ZNF507: variants seen among roughly 807,000 people sequenced by gnomAD.
ZNF507 encodes the protein zinc finger protein 507.
ZNF507 carries 29 observed loss-of-function variants against 80.0 expected under a neutral mutation model. The ratio of observed to expected loss-of-function variants is 0.36; its 90% CI spans 0.27 to 0.49. ZNF507 has a LOEUF of 0.49. ZNF507 is among the 20% of genes least tolerant of loss of function. ZNF507 has a pLI of 0.98. For synonymous variants in ZNF507, 462 were observed against 422.5 expected (o/e 1.09, Z -1.15); for missense variants, 1,081 against 1,152.2 (o/e 0.94, Z 0.90).
intron 4 of ZNF507, chr19:32,358,255 T>G (rs1967277196): frequency 6.6e-6 from 1 of 152,264 alleles, no homozygotes; most frequent in South Asian, 2.1e-4. Context: ...AATCTGGTTG[T>G]CAGGCCAAAG....
chr19:32,350,200 CTT>C (rs11354466), intron 2 of ZNF507, among the ~76,000 whole-genome samples: 4,586 of 141,378 alleles, frequency 0.032, 82 homozygotes, highest in Middle Eastern at 0.074. Flanking sequence ...TTTATCTAAC[CTT>C]TTTTTTTTTT....
chr19:32,353,492 T>C lies in ZNF507; in HGVS notation c.662T>C (p.Leu221Pro), dbSNP rs749520100. 1 of 1,614,202 alleles carries C rather than the reference T, an allele frequency of 6.2e-7. No homozygotes were observed. The highest frequency in any genetic ancestry group is 1.1e-5 in the South Asian group (1 of 91,084). ...IPDIPVSVDN[L>P]QTHTVQTASV... ...GATATCCCAGTAAGTGTGGACAATC[T>C]ACAGACTCATACTGTCCAAACTGCA... The change falls in exon 3 of 7, where the codon CTA (leucine) becomes CCA (proline). Residue 221 changes from leucine to proline, a missense_variant. Physicochemically the swap from Leu to Pro is moderately conservative, Grantham distance 98. This residue lies in a region of ZNF507 where 275 missense variants were observed against 303.9 expected (regional missense o/e 0.90). Coordinates refer to ENST00000355898, the MANE Select transcript of ZNF507 (RefSeq NM_001136156.2).
chr19:32,351,033 G>A (rs1329171724), intron 2 of ZNF507, among the ~76,000 whole-genome samples: 1 of 152,182 alleles, frequency 6.6e-6, no homozygotes, highest in Non-Finnish European at 1.5e-5. Context: ...TGAGCGTAGA[G>A]ATCTAAAAAG....
chr19:32,350,534 C>G lies in ZNF507; in HGVS notation c.-2-2295C>G, dbSNP rs76444917. ...GTTAAGATGAACTCCTCCTTCTCTTCATTTCACTTTCTTTTTAAGGTACAC... is the reference window on the plus strand; with the variant it reads ...GTTAAGATGAACTCCTCCTTCTCTTGATTTCACTTTCTTTTTAAGGTACAC... On this transcript the variant is annotated intron_variant, in intron 2 of 6. Coordinates refer to ENST00000355898, the MANE Select transcript of ZNF507 (RefSeq NM_001136156.2). 1.8e-3 allele frequency among the ~76,000 whole-genome samples: 281 copies of G among 152,312 alleles called. 2 individuals carry two copies. Among genetic ancestry groups the G allele is most frequent in the African/African-American group, 6.1e-3 (253 of 41,582 alleles).
intron 5 of ZNF507, among the ~76,000 whole-genome samples, chr19:32,371,853 A>T (rs1967478665): frequency 6.6e-6 from 1 of 151,740 alleles, no homozygotes; most frequent in Admixed American, 6.6e-5. Context: ...GTTAGCCAGG[A>T]TGGTCTCAAT....
At chr19:32,378,006 C>T (rs1165365669) in intron 5 of ZNF507, among the ~76,000 whole-genome samples, 1 of 152,100 alleles carries the variant, frequency 6.6e-6, no homozygotes, top group African/African-American at 2.4e-5. Flanking sequence ...ACCTGAGGGA[C>T]ATTTTACAAA....
At chr19:32,365,588 A>G (rs771041625) in intron 5 of ZNF507, among the ~76,000 whole-genome samples, 3 of 152,124 alleles carry the variant, frequency 2.0e-5, no homozygotes, top group South Asian at 2.1e-4. Flanking sequence ...AAAATTTTTC[A>G]TATTAGATGG....
chr19:32,367,281 C>T (rs1392120138), intron 5 of ZNF507, among the ~76,000 whole-genome samples: 1 of 152,184 alleles, frequency 6.6e-6, no homozygotes, highest in Non-Finnish European at 1.5e-5. Context: ...AGGGATCCAT[C>T]CCCATGACCC....
chr19:32,385,491 C>G lies in ZNF507; in HGVS notation c.*2408C>G, dbSNP rs1967676749. ...TCTAAAAGTAATAATGAAGATTATG[C>G]AATTCTAACTGTAGAAGAGATAGCT... On this transcript the variant is annotated 3_prime_UTR_variant, in exon 7 of 7. Transcript: ENST00000355898. The G allele has an allele frequency of 1.3e-5, 2 of 152,298 alleles. No individual in the cohort carries two copies. Among genetic ancestry groups the G allele is most frequent in the South Asian group, 2.1e-4 (1 of 4,832 alleles). The allele number at this position is 152,298 out of a possible 1,614,324, so 9.4% of individuals were successfully genotyped here.
chr19:32,382,537 G>A lies in ZNF507; in HGVS notation c.2431G>A (p.Asp811Asn). Residue 811 changes from aspartate (D) to asparagine (N), a missense_variant, in exon 6 of 7, where the codon GAC (aspartate) becomes AAC (asparagine). Asp to Asn is a conservative substitution (Grantham distance 23). Coordinates refer to ENST00000355898, the MANE Select transcript of ZNF507 (RefSeq NM_001136156.2). ...LKSHMWKHAS[D>N]QNYNYEQVNK... ...GTCTCATATGTGGAAACATGCAAGT[G>A]ACCAAAATTACAACTACGAACAAGT... is the stretch of plus-strand genomic sequence containing the variant. 6.2e-7 allele frequency: 1 copy of A among 1,614,154 alleles called. No homozygotes were observed. The highest frequency in any genetic ancestry group is 8.5e-7 in the Non-Finnish European group (1 of 1,180,024).
rs1258115132 is a variant in ZNF507 at position 32,384,434 on chromosome 19, G to GTAAATTC, written c.*1353_*1359dup. 2.6e-5 allele frequency: 4 copies of GTAAATTC among 152,144 alleles called. No homozygotes were observed. The highest frequency in any genetic ancestry group is 5.9e-5 in the Non-Finnish European group (4 of 68,036). The allele number at this position is 152,144 out of a possible 1,614,324, so 9.4% of individuals were successfully genotyped here. On this transcript the variant is annotated 3_prime_UTR_variant, in exon 7 of 7. Transcript: ENST00000355898. ...CTCATTTATGCATTGTTTTGTTTAAGTAAATTCTGCCTACAAGTGAAAAGG... is the reference window on the plus strand; with the variant it reads ...CTCATTTATGCATTGTTTTGTTTAAGTAAATTCTAAATTCTGCCTACAAGTGAAAAGG...
intron 2 of ZNF507, among the ~76,000 whole-genome samples, chr19:32,352,053 G>T (rs1967175993): frequency 1.4e-5 from 2 of 147,736 alleles, no homozygotes; most frequent in Non-Finnish European, 1.5e-5. Context: ...CTTCTCTGAT[G>T]TCCCTTACCC....
chr19:32,378,276 C>T (rs771478486), intron 5 of ZNF507, among the ~76,000 whole-genome samples: 3 of 152,080 alleles, frequency 2.0e-5, no homozygotes, highest in Non-Finnish European at 4.4e-5. Flanking sequence ...TCGCTTGAAC[C>T]TGGGAGGCGG....
rs776299602 is a variant in ZNF507, at chr19:32,353,658, C to T, written c.828C>T (p.Cys276=). Residue 276 remains cysteine, a synonymous_variant, in exon 3 of 7, where the codon TGC becomes TGT. Transcript: ENST00000355898. ...GGAAACATGCTGGGGAGGTTGATTG[C>T]TCCTATCCAATCTTTGAAAATGAAA... ...HAWKHAGEVD[C]SYPIFENENE... is the part of the protein sequence containing the mutation. 3 of 1,614,174 alleles carry T rather than the reference C, an allele frequency of 1.9e-6. No homozygotes were observed. Among genetic ancestry groups the T allele is most frequent in the African/African-American group, 1.3e-5 (1 of 75,038 alleles).
At position 32,380,622 on chromosome 19, in the gene ZNF507, T is replaced by C. The variant is rs541809549; in HGVS notation, c.2361-1845T>C. 6 of 1,535,324 alleles carry C rather than the reference T, an allele frequency of 3.9e-6. No individual in the cohort carries two copies. The African/African-American group carries it at 5.5e-5, about 14-fold the overall frequency. ...TTATTGGTGTAGGAAAGAGTTCAGGTAAGTAAGTTATCTGGTTTGTTAGGT... is the reference window on the plus strand; with the variant it reads ...TTATTGGTGTAGGAAAGAGTTCAGGCAAGTAAGTTATCTGGTTTGTTAGGT... On this transcript the variant is annotated intron_variant, in intron 5 of 6. Coordinates refer to ENST00000355898, the MANE Select transcript of ZNF507 (RefSeq NM_001136156.2).
rs1347009793 is a variant in ZNF507 at position 32,356,737 on chromosome 19, T to A, written c.2245+4T>A. 1 of 1,610,138 alleles carries A rather than the reference T, an allele frequency of 6.2e-7. No individual in the cohort carries two copies. The highest frequency in any genetic ancestry group is 8.5e-7 in the Non-Finnish European group (1 of 1,176,406). On this transcript the variant is annotated splice_donor_region_variant and intron_variant, in intron 4 of 6. Coordinates refer to ENST00000355898, the MANE Select transcript of ZNF507 (RefSeq NM_001136156.2). ...GATGGAAAATGTGTCCAGGAAGGTA[T>A]CTATGTATTTTGTTATGCAGGCTGC...
chr19:32,364,703 T>C (rs1438944510), intron 5 of ZNF507, among the ~76,000 whole-genome samples: 1 of 152,198 alleles, frequency 6.6e-6, no homozygotes, highest in Non-Finnish European at 1.5e-5. Flanking sequence ...CAATCATATA[T>C]ATATATCTCC....
At chr19:32,382,344 T>G in intron 5 of ZNF507, 123 bp from the exon 6 acceptor site, 4 of 1,226,768 alleles carry the variant, frequency 3.3e-6, no homozygotes, top group Non-Finnish European at 4.6e-6. Context: ...TTAGATTCAG[T>G]GAAATACGAT....
At chr19:32,373,298 C>T (rs1320877441) in intron 5 of ZNF507, among the ~76,000 whole-genome samples, 2 of 152,156 alleles carry the variant, frequency 1.3e-5, no homozygotes, top group Non-Finnish European at 2.9e-5. Context: ...CCAAAGGCCC[C>T]ACCTCTTAAT....
Sources: allele counts gnomAD v4.1 joint callset (sites outside exome capture counted in the v4.1 genomes callset), GRCh38; gene constraint gnomAD v4.1.1; regional missense constraint gnomAD v4.1.1; transcripts MANE v1.5; gene names NCBI Gene and HGNC (gene_info 2026-07-23, HGNC 2026-07-21).